SH3GL2: variants seen among roughly 807,000 people sequenced by gnomAD.
SH3GL2 encodes endophilin-A1.
SH3GL2 carries 24 observed loss-of-function variants against 46.0 expected under a neutral mutation model. The observed-to-expected ratio is 0.52, with a 90% CI of 0.38 to 0.73. The LOEUF is 0.73. Ranked by LOEUF, SH3GL2 falls within the 30% of genes least tolerant of loss-of-function variation. The pLI is 0.00. For missense variants in SH3GL2, 413 were observed against 424.2 expected (o/e 0.97, Z 0.23); for synonymous variants, 196 against 147.1 (o/e 1.33, Z -2.40).
At chr9:17,679,332 TGAAG>T (rs1326812198) in intron 1 of SH3GL2, among the ~76,000 whole-genome samples, 1 of 152,198 alleles carries the variant, frequency 6.6e-6, no homozygotes, top group Non-Finnish European at 1.5e-5. Context: ...TAGTTCTCCT[TGAAG>T]AGGTCCTTCA....
At chr9:17,790,106 G>C (rs1459241267) in intron 6 of SH3GL2, among the ~76,000 whole-genome samples, 1 of 152,160 alleles carries the variant, frequency 6.6e-6, no homozygotes, top group African/African-American at 2.4e-5. Context: ...AGAAAGCCTA[G>C]AGCTGTGACA....
At chr9:17,627,207 A>G (rs756742560) in intron 1 of SH3GL2, among the ~76,000 whole-genome samples, 5 of 152,184 alleles carry the variant, frequency 3.3e-5, no homozygotes, top group Admixed American at 6.5e-5. Context: ...GCACTCACCA[A>G]TGAGACACCA....
intron 1 of SH3GL2, among the ~76,000 whole-genome samples, chr9:17,721,617 A>G (rs1372710382): frequency 6.6e-6 from 1 of 151,992 alleles, no homozygotes; most frequent in Non-Finnish European, 1.5e-5. Context: ...ATTCCACCTA[A>G]AGAAAAAAAG....
At chr9:17,582,231 A>T (rs1197306477) in intron 1 of SH3GL2, among the ~76,000 whole-genome samples, 1 of 152,250 alleles carries the variant, frequency 6.6e-6, no homozygotes. Flanking sequence ...AGTAAAATTT[A>T]TTAGAGAAGA....
intron 1 of SH3GL2, among the ~76,000 whole-genome samples, chr9:17,697,067 A>G (rs574928437): frequency 6.6e-6 from 1 of 152,256 alleles, no homozygotes; most frequent in Admixed American, 6.5e-5. Flanking sequence ...TTTAAGAATC[A>G]GCTCCCTCAC....
At chr9:17,668,282 A>T (rs1820392547) in intron 1 of SH3GL2, among the ~76,000 whole-genome samples, 2 of 152,140 alleles carry the variant, frequency 1.3e-5, no homozygotes, top group Admixed American at 6.5e-5. Context: ...ATTTACTTTG[A>T]GTTAATTTTG....
At position 17,795,791 on chromosome 9, in the gene SH3GL2, T is replaced by C. The variant is rs1824259323; in HGVS notation, c.*48T>C. On this transcript the variant is annotated 3_prime_UTR_variant, in exon 9 of 9. Coordinates refer to ENST00000380607, the MANE Select transcript of SH3GL2 (RefSeq NM_003026.5). ...CTCCTCTTGACCCAGATAGTTACGG[T>C]TAACCACTGCTTTGGCAATGCTGCT... 1 of 1,470,460 alleles carries C rather than the reference T, an allele frequency of 6.8e-7. No individual in the cohort carries two copies. The allele number at this position is 1,470,460 out of a possible 1,614,324, so 91.1% of individuals were successfully genotyped here. A position where few individuals can be genotyped will look rare whatever the true frequency, so the allele number is the denominator to read the frequency against.
intron 1 of SH3GL2, among the ~76,000 whole-genome samples, chr9:17,705,524 T>A (rs1477276183): frequency 6.6e-6 from 1 of 151,998 alleles, no homozygotes; most frequent in Non-Finnish European, 1.5e-5. Context: ...ATGTATCATA[T>A]GTACCATATT....
chr9:17,582,279 AATTG>A (rs3840725), intron 1 of SH3GL2, among the ~76,000 whole-genome samples: 110,800 of 151,536 alleles, frequency 0.73, 41,402 homozygotes, highest in African/African-American at 0.89. Flanking sequence ...TGATACCAAA[AATTG>A]ATTGATCATC....
chr9:17,672,653 A>T (rs555684167), intron 1 of SH3GL2, among the ~76,000 whole-genome samples: 1 of 152,220 alleles, frequency 6.6e-6, no homozygotes, highest in South Asian at 2.1e-4. Context: ...TTCACCCAAT[A>T]CAGAGGACCT....
At chr9:17,655,146 G>T (rs1440959524) in intron 1 of SH3GL2, among the ~76,000 whole-genome samples, 1 of 152,154 alleles carries the variant, frequency 6.6e-6, no homozygotes, top group Non-Finnish European at 1.5e-5. Context: ...TCCATAAGTG[G>T]AAAGCTGTAA....
At chr9:17,610,011 T>G (rs1331304911) in intron 1 of SH3GL2, among the ~76,000 whole-genome samples, 1 of 152,238 alleles carries the variant, frequency 6.6e-6, no homozygotes. Context: ...GGCAGACTCC[T>G]TGGTACCACC....
chr9:17,725,949 C>A (rs1588276499), intron 1 of SH3GL2, among the ~76,000 whole-genome samples: 1 of 152,056 alleles, frequency 6.6e-6, no homozygotes. Context: ...AGCAAAGTTT[C>A]CATCACAGAG....
intron 1 of SH3GL2, among the ~76,000 whole-genome samples, chr9:17,601,632 A>G (rs1426192217): frequency 2.6e-5 from 4 of 152,242 alleles, no homozygotes; most frequent in African/African-American, 7.2e-5. Flanking sequence ...GAAACAAACC[A>G]TGACAGTAGT....
intron 1 of SH3GL2, among the ~76,000 whole-genome samples, chr9:17,733,248 CTCT>C (rs1394075116): frequency 6.8e-6 from 1 of 148,122 alleles, no homozygotes; most frequent in Non-Finnish European, 1.5e-5. Flanking sequence ...CTCTCACATT[CTCT>C]TTTTTTAAAT....
intron 1 of SH3GL2, among the ~76,000 whole-genome samples, chr9:17,744,966 C>A (rs779887440): frequency 6.6e-6 from 1 of 152,096 alleles, no homozygotes; most frequent in Non-Finnish European, 1.5e-5. Context: ...GAACTTCAGA[C>A]GGAGGCATCC....
intron 1 of SH3GL2, among the ~76,000 whole-genome samples, chr9:17,734,039 C>A (rs868065730): frequency 6.6e-6 from 1 of 151,978 alleles, no homozygotes; most frequent in African/African-American, 2.4e-5. Flanking sequence ...TAATATAGGT[C>A]CCTTCTAGAA....
chr9:17,747,943 A>C (rs1295843557), intron 2 of SH3GL2, among the ~76,000 whole-genome samples: 4 of 152,112 alleles, frequency 2.6e-5, no homozygotes, highest in African/African-American at 4.8e-5. Context: ...CAAAGTGCTG[A>C]GGTTCCAGGC....
rs56902114 is a variant in SH3GL2, at chr9:17,642,549, C to G, written c.45+63262C>G. Reference sequence around the variant, plus strand: ...TTTGTATAAGTTGTAAGGAAGGGGTCCAGTTTCAGTTTTCTGCATATGGCC... The same window carrying G: ...TTTGTATAAGTTGTAAGGAAGGGGTGCAGTTTCAGTTTTCTGCATATGGCC... On this transcript the variant is annotated intron_variant, in intron 1 of 8. Coordinates refer to ENST00000380607, the MANE Select transcript of SH3GL2 (RefSeq NM_003026.5). Among the ~76,000 whole-genome samples the G allele has an allele frequency of 7.9e-3, 1,209 of 152,210 alleles. 25 individuals carry two copies. Among genetic ancestry groups the G allele is most frequent in the African/African-American group, 0.027 (1,121 of 41,532 alleles).
Sources: gnomAD v4.1 joint callset for allele counts (sites outside exome capture counted in the v4.1 genomes callset) on GRCh38, gnomAD v4.1.1 for gene constraint, MANE v1.5 for transcripts, NCBI Gene and HGNC (gene_info 2026-07-23, HGNC 2026-07-21) for gene names.